Variants in PPIB observed in about 807,000 individuals in gnomAD.
PPIB encodes peptidylprolyl isomerase B.
A neutral mutation model predicts 20.1 loss-of-function variants in PPIB; 15 were observed. That is an observed-to-expected ratio of 0.75 (90% CI 0.50 to 1.15). The LOEUF (loss-of-function observed/expected upper bound fraction) is 1.15, where lower values mean the gene tolerates loss of function less well. Ranked by LOEUF, PPIB falls within the 50% of genes most tolerant of loss-of-function variation. PPIB has a pLI of 0.00. For synonymous variants in PPIB, 129 were observed against 111.0 expected (o/e 1.16, Z -1.02); for missense variants, 278 against 283.0 (o/e 0.98, Z 0.13).
rs578127662 is a variant in PPIB, at chr15:64,160,076, C to T, written c.343+28G>A. ...CCACTGTGGAGGCTACACTGACATA[C>T]TCCTTGGCCCAGAGGACCTGTGGTT... On this transcript the variant is annotated intron_variant, in intron 3 of 4. Coordinates refer to ENST00000300026, the MANE Select transcript of PPIB (RefSeq NM_000942.5). This position sits in a 1 kb window ranked among gnomAD's most constrained non-coding sequence, Gnocchi z 4.8. The T allele has an allele frequency of 3.8e-6, 6 of 1,569,936 alleles. No individual in the cohort carries two copies. In the African/African-American group the frequency reaches 6.8e-5, roughly 18 times the overall value.
Position 64,160,206 on chromosome 15 carries a change from A to G in PPIB, c.250-9T>C. 1 of 1,598,672 alleles carries G rather than the reference A, an allele frequency of 6.3e-7. No homozygotes were observed. The highest frequency in any genetic ancestry group is 8.6e-7 in the Non-Finnish European group (1 of 1,165,920). ...TTGTAGCCAAATCCTTTCTAGAAAA[A>G]GGGAAGAGAAGGTAAGGAGGTGGTA... is the stretch of plus-strand genomic sequence containing the variant. On this transcript the variant is annotated splice_polypyrimidine_tract_variant and intron_variant, in intron 2 of 4. Coordinates refer to ENST00000300026, the MANE Select transcript of PPIB (RefSeq NM_000942.5). This position sits in a 1 kb window ranked among gnomAD's most constrained non-coding sequence, Gnocchi z 4.8.
Position 64,159,448 on chromosome 15 carries a change from T to A in PPIB, c.343+656A>T, listed in dbSNP as rs1183522451. 6.5e-6 allele frequency: 1 copy of A among 154,908 alleles called. No individual in the cohort carries two copies. The highest frequency in any genetic ancestry group is 6.3e-5 in the Admixed American group (1 of 15,792). The allele number at this position is 154,908 out of a possible 1,614,324, so 9.6% of individuals were successfully genotyped here. A position where few individuals can be genotyped will look rare whatever the true frequency, so the allele number is the denominator to read the frequency against. ...TGGAGTCTCGCTCTGTCGCCCAGGC[T>A]GGAGTGCAGTGGCGTGATTTCGGCT... On this transcript the variant is annotated intron_variant, in intron 3 of 4. Transcript: ENST00000300026. This position sits in a 1 kb window ranked among gnomAD's most constrained non-coding sequence, Gnocchi z 5.1.
Position 64,159,901 on chromosome 15 carries a change from C to A in PPIB, c.343+203G>T. On this transcript the variant is annotated intron_variant, in intron 3 of 4. Coordinates refer to ENST00000300026, the MANE Select transcript of PPIB (RefSeq NM_000942.5). This position sits in a 1 kb window ranked among gnomAD's most constrained non-coding sequence, Gnocchi z 5.1. ...GGAGAGATTCTCTTAGATCTACCAT[C>A]AGGTCCACCCCATTATTCTCTCTCC... 1.6e-6 allele frequency: 1 copy of A among 630,102 alleles called. No homozygotes were observed. Among genetic ancestry groups the A allele is most frequent in the Non-Finnish European group, 2.8e-6 (1 of 352,222 alleles). 39.0% of individuals were successfully genotyped at this position (630,102 alleles called of 1,614,324 possible).
Position 64,159,866 on chromosome 15 carries a change from C to T in PPIB, c.343+238G>A, listed in dbSNP as rs28720184. 1,219 of 594,848 alleles carry T rather than the reference C, an allele frequency of 2.0e-3. 10 individuals carry two copies. The highest frequency in any genetic ancestry group is 0.018 in the African/African-American group (975 of 53,886). The allele number at this position is 594,848 out of a possible 1,614,324, so 36.8% of individuals were successfully genotyped here. On this transcript the variant is annotated intron_variant, in intron 3 of 4. Transcript: ENST00000300026. This position sits in a 1 kb window ranked among gnomAD's most constrained non-coding sequence, Gnocchi z 5.1. ...AGGCTATAGGCCTGGATCAGCAGGA[C>T]GGTCACCTGGGAGAGATTCTCTTAG...
rs181308945 is a variant in PPIB, at chr15:64,161,122, G to C, written c.249+919C>G. ...ATTACAGGCGCCTACCACTACACCT[G>C]GCTAATTTTTTGTATTTTTAGTAGA... On this transcript the variant is annotated intron_variant, in intron 2 of 4. Transcript: ENST00000300026. The surrounding 1 kb of genome is among the most constrained non-coding windows in gnomAD (Gnocchi z 4.2). Among the ~76,000 whole-genome samples the C allele has an allele frequency of 2.0e-5, 3 of 151,640 alleles. No homozygotes were observed. Among genetic ancestry groups the C allele is most frequent in the Admixed American group, 2.0e-4 (3 of 15,224 alleles).
rs2081557857 is a variant in PPIB, at chr15:64,160,206, A to C, written c.250-9T>G. The C allele has an allele frequency of 1.9e-6, 3 of 1,598,674 alleles. No homozygotes were observed. The highest frequency in any genetic ancestry group is 2.6e-6 in the Non-Finnish European group (3 of 1,165,922). On this transcript the variant is annotated splice_polypyrimidine_tract_variant and intron_variant, in intron 2 of 4. Transcript: ENST00000300026. This position sits in a 1 kb window ranked among gnomAD's most constrained non-coding sequence, Gnocchi z 4.8. The stretch of plus-strand genomic sequence containing the variant: ...TTGTAGCCAAATCCTTTCTAGAAAA[A>C]GGGAAGAGAAGGTAAGGAGGTGGTA...
Position 64,161,893 on chromosome 15 carries a change from G to T in PPIB, c.249+148C>A. 1.3e-6 allele frequency: 1 copy of T among 757,014 alleles called. No individual in the cohort carries two copies. The allele number at this position is 757,014 out of a possible 1,614,324, so 46.9% of individuals were successfully genotyped here. A position where few individuals can be genotyped will look rare whatever the true frequency, so the allele number is the denominator to read the frequency against. On this transcript the variant is annotated intron_variant, in intron 2 of 4. Coordinates refer to ENST00000300026, the MANE Select transcript of PPIB (RefSeq NM_000942.5). This position sits in a 1 kb window ranked among gnomAD's most constrained non-coding sequence, Gnocchi z 4.2. ...CAGGGCCCCATTACTCTTAAGAAAGGGCAATACTGTGTTCCCAGGGCAACA... is the reference window on the plus strand; with the variant it reads ...CAGGGCCCCATTACTCTTAAGAAAGTGCAATACTGTGTTCCCAGGGCAACA...
At position 64,161,102 on chromosome 15, in the gene PPIB, A is replaced by C. The variant is rs1359938880; in HGVS notation, c.250-905T>G. On this transcript the variant is annotated intron_variant, in intron 2 of 4. Coordinates refer to ENST00000300026, the MANE Select transcript of PPIB (RefSeq NM_000942.5). This position sits in a 1 kb window ranked among gnomAD's most constrained non-coding sequence, Gnocchi z 4.2. Reference sequence around the variant, plus strand: ...CAGCCTCCCAAGTAGCTGGAATTACAGGCGCCTACCACTACACCTGGCTAA... The same window carrying C: ...CAGCCTCCCAAGTAGCTGGAATTACCGGCGCCTACCACTACACCTGGCTAA... Among the ~76,000 whole-genome samples the C allele has an allele frequency of 6.6e-6, 1 of 151,780 alleles. No homozygotes were observed. Among genetic ancestry groups the C allele is most frequent in the Admixed American group, 6.6e-5 (1 of 15,234 alleles).
rs1454726561 is a variant in PPIB, at chr15:64,156,712, T to G, written c.528+13A>C. 1 of 1,614,178 alleles carries G rather than the reference T, an allele frequency of 6.2e-7. No individual in the cohort carries two copies. The highest frequency in any genetic ancestry group is 1.7e-5 in the Admixed American group (1 of 60,026). On this transcript the variant is annotated intron_variant, in intron 4 of 4. Coordinates refer to ENST00000300026, the MANE Select transcript of PPIB (RefSeq NM_000942.5). This position sits in a 1 kb window ranked among gnomAD's most constrained non-coding sequence, Gnocchi z 6.4. ...AGGATTGCCCAGTAGTAGCCCTTGC[T>G]TCCACAACTCACCATGCCCTCTAGA...
chr15:64,157,611 A>T lies in PPIB; in HGVS notation c.344-702T>A, dbSNP rs1358771660. The T allele has an allele frequency of 6.6e-6, 1 of 152,466 alleles. No individual in the cohort carries two copies. The highest frequency in any genetic ancestry group is 2.4e-5 in the African/African-American group (1 of 41,448). The allele number at this position is 152,466 out of a possible 1,614,324, so 9.4% of individuals were successfully genotyped here. ...AACACCGAAACCCTTCTTTTTCCCT[A>T]TCACCCCTTGGAGACTGACACTGTG... is the stretch of plus-strand genomic sequence containing the variant. On this transcript the variant is annotated intron_variant, in intron 3 of 4. Coordinates refer to ENST00000300026, the MANE Select transcript of PPIB (RefSeq NM_000942.5). The surrounding 1 kb of genome is among the most constrained non-coding windows in gnomAD (Gnocchi z 4.2).
At position 64,157,024 on chromosome 15, in the gene PPIB, G is replaced by A. The variant is rs2081538406; in HGVS notation, c.344-115C>T. The A allele has an allele frequency of 1.8e-6, 2 of 1,090,720 alleles. No homozygotes were observed. Among genetic ancestry groups the A allele is most frequent in the South Asian group, 1.5e-5 (1 of 66,688 alleles). The allele number at this position is 1,090,720 out of a possible 1,614,324, so 67.6% of individuals were successfully genotyped here. On this transcript the variant is annotated intron_variant, in intron 3 of 4. Coordinates refer to ENST00000300026, the MANE Select transcript of PPIB (RefSeq NM_000942.5). This position sits in a 1 kb window ranked among gnomAD's most constrained non-coding sequence, Gnocchi z 4.2. Reference sequence around the variant, plus strand: ...CCTCTGTGCCAGGCTAGGCTGGAGTGGACTACAAGGACATAAAAGCAGCGT... The same window carrying A: ...CCTCTGTGCCAGGCTAGGCTGGAGTAGACTACAAGGACATAAAAGCAGCGT...
rs1555495907 is a variant in PPIB, at chr15:64,155,820, T to TTA, written c.*202_*203insTA. On this transcript the variant is annotated 3_prime_UTR_variant, in exon 5 of 5. Coordinates refer to ENST00000300026, the MANE Select transcript of PPIB (RefSeq NM_000942.5). ...AGAACCAGGCCCACACATTATATAT[T>TTA]AAAAAAAAAAAAACCCACATTTTTT... 752 of 531,556 alleles carry TTA rather than the reference T, an allele frequency of 1.4e-3. No individual in the cohort carries two copies. Among genetic ancestry groups the TTA allele is most frequent in the Middle Eastern group, 2.7e-3 (5 of 1,846 alleles). The allele number at this position is 531,556 out of a possible 1,614,324, so 32.9% of individuals were successfully genotyped here.
Position 64,156,230 on chromosome 15 carries a change from A to G in PPIB, c.529-85T>C. The G allele has an allele frequency of 1.3e-6, 2 of 1,554,264 alleles. No individual in the cohort carries two copies. The highest frequency in any genetic ancestry group is 1.8e-6 in the Non-Finnish European group (2 of 1,136,952). On this transcript the variant is annotated intron_variant, in intron 4 of 4. Coordinates refer to ENST00000300026, the MANE Select transcript of PPIB (RefSeq NM_000942.5). The surrounding 1 kb of genome is among the most constrained non-coding windows in gnomAD (Gnocchi z 6.4). ...GAAAGGCCCCAGCGTATGGCTCAGG[A>G]GGGCTAAGACCCACAAGTGATCAAC...
rs1420928651 is a variant in PPIB at position 64,160,147 on chromosome 15, G to T, written c.300C>A (p.Phe100Leu). 3.7e-6 allele frequency: 6 copies of T among 1,614,176 alleles called. No individual in the cohort carries two copies. Among genetic ancestry groups the T allele is most frequent in the Non-Finnish European group, 5.1e-6 (6 of 1,179,996 alleles). ...NSKFHRVIKD[F>L]MIQGGDFTRG... ...TGGTGAAGTCTCCGCCCTGGATCAT[G>T]AAGTCCTTGATTACACGATGGAATT... The change falls in exon 3 of 5, where the codon TTC (phenylalanine) becomes TTA (leucine). Residue 100 changes from phenylalanine (F) to leucine (L), a missense_variant. Transcript: ENST00000300026. This position sits in a 1 kb window ranked among gnomAD's most constrained non-coding sequence, Gnocchi z 4.8.
rs776023236 is a variant in PPIB, at chr15:64,157,305, G to T, written c.344-396C>A. ...CGGAACTCTCCAGAAAAGGAGGACT[G>T]CTGTGGCTGACCAGCCTGTTTTCCT... On this transcript the variant is annotated intron_variant, in intron 3 of 4. Coordinates refer to ENST00000300026, the MANE Select transcript of PPIB (RefSeq NM_000942.5). The surrounding 1 kb of genome is among the most constrained non-coding windows in gnomAD (Gnocchi z 4.2). 8 of 232,024 alleles carry T rather than the reference G, an allele frequency of 3.4e-5. No individual in the cohort carries two copies. Among genetic ancestry groups the T allele is most frequent in the Non-Finnish European group, 6.9e-5 (8 of 116,376 alleles). 14.4% of individuals were successfully genotyped at this position (232,024 alleles called of 1,614,324 possible).
Position 64,156,034 on chromosome 15 carries a change from C to T in PPIB, c.640G>A (p.Ala214Thr), listed in dbSNP as rs759753798. The change falls in exon 5 of 5, where the codon GCC (alanine) becomes ACC (threonine). Residue 214 changes from alanine to threonine, a missense_variant. Ala to Thr is a moderately conservative substitution (Grantham distance 58). Coordinates refer to ENST00000300026, the MANE Select transcript of PPIB (RefSeq NM_000942.5). This position sits in a 1 kb window ranked among gnomAD's most constrained non-coding sequence, Gnocchi z 6.4. The stretch of plus-strand genomic sequence containing the variant: ...GATGTCCCTGTGCCCTACTCCTTGG[C>T]GATGGCAAAGGGCTTCTCCACCTCG... ...KIEVEKPFAI[A>T]KE 5.0e-6 allele frequency: 8 copies of T among 1,614,046 alleles called. No individual in the cohort carries two copies. Among genetic ancestry groups the T allele is most frequent in the Middle Eastern group, 3.3e-4 (2 of 6,084 alleles).
At position 64,160,139 on chromosome 15, in the gene PPIB, T is replaced by G. The variant is rs1472041028; in HGVS notation, c.308A>C (p.Gln103Pro). Residue 103 changes from glutamine (Q) to proline (P), a missense_variant, in exon 3 of 5, where the codon CAG (glutamine) becomes CCG (proline). Coordinates refer to ENST00000300026, the MANE Select transcript of PPIB (RefSeq NM_000942.5). This position sits in a 1 kb window ranked among gnomAD's most constrained non-coding sequence, Gnocchi z 4.8. ...ATCTCCCCTGGTGAAGTCTCCGCCC[T>G]GGATCATGAAGTCCTTGATTACACG... is the stretch of plus-strand genomic sequence containing the variant. ...FHRVIKDFMI[Q>P]GGDFTRGDGT... 3.1e-6 allele frequency: 5 copies of G among 1,614,012 alleles called. No individual in the cohort carries two copies. Among genetic ancestry groups the G allele is most frequent in the Non-Finnish European group, 4.2e-6 (5 of 1,179,960 alleles).
Position 64,157,021 on chromosome 15 carries a change from A to C in PPIB, c.344-112T>G, listed in dbSNP as rs572938461. On this transcript the variant is annotated intron_variant, in intron 3 of 4. Transcript: ENST00000300026. This position sits in a 1 kb window ranked among gnomAD's most constrained non-coding sequence, Gnocchi z 4.2. ...TGTCCTCTGTGCCAGGCTAGGCTGGAGTGGACTACAAGGACATAAAAGCAG... is the reference window on the plus strand; with the variant it reads ...TGTCCTCTGTGCCAGGCTAGGCTGGCGTGGACTACAAGGACATAAAAGCAG... The C allele has an allele frequency of 1.6e-5, 19 of 1,154,972 alleles. No homozygotes were observed. The highest frequency in any genetic ancestry group is 2.4e-5 in the Non-Finnish European group (19 of 807,832). 71.5% of individuals were successfully genotyped at this position (1,154,972 alleles called of 1,614,324 possible). A position where few individuals can be genotyped will look rare whatever the true frequency, so the allele number is the denominator to read the frequency against.
rs779741523 is a variant in PPIB at position 64,162,838 on chromosome 15, G to A, written c.135+14C>T. On this transcript the variant is annotated intron_variant, in intron 1 of 4. Coordinates refer to ENST00000300026, the MANE Select transcript of PPIB (RefSeq NM_000942.5). ...CGAGCTCCGGCACCGTAAATGCCGC[G>A]GACTCCACCGGACCTTGACGGTGAC... is the stretch of plus-strand genomic sequence containing the variant. 30 of 1,608,434 alleles carry A rather than the reference G, an allele frequency of 1.9e-5. No homozygotes were observed. The Admixed American group carries it at 2.5e-4, about 14-fold the overall frequency.
Sources: allele counts gnomAD v4.1 joint callset (sites outside exome capture counted in the v4.1 genomes callset), GRCh38; gene constraint gnomAD v4.1.1; non-coding constraint Gnocchi (gnomAD v3.1); transcripts MANE v1.5; gene names NCBI Gene and HGNC (gene_info 2026-07-23, HGNC 2026-07-21).